RANBP2: variants seen among roughly 807,000 people sequenced by gnomAD.
The protein encoded by RANBP2 is E3 SUMO-protein ligase RanBP2.
RANBP2 carries 57 observed loss-of-function variants against 303.6 expected under a neutral mutation model. The ratio of observed to expected loss-of-function variants is 0.19; its 90% CI spans 0.15 to 0.23. The LOEUF (loss-of-function observed/expected upper bound fraction) is 0.23. RANBP2 is among the 10% of genes least tolerant of loss of function. RANBP2 has a pLI of 1.00. For synonymous variants in RANBP2, 1,167 were observed against 1,301.5 expected, an observed-to-expected ratio of 0.90 and a Z score of 2.23; for missense variants, 3,138 against 3,780.8, an observed-to-expected ratio of 0.83 and a Z score of 4.46.
At chr2:109,431,205 T>C in the RANBP2 span, among the ~76,000 whole-genome samples, 4 of 152,192 alleles carry the variant, frequency 2.6e-5, no homozygotes, top group African/African-American at 9.7e-5. Flanking sequence ...TCCCCAGAGA[T>C]GCACTGTGTG....
the RANBP2 span, chr2:108,856,813 A>T: frequency 1.2e-6 from 2 of 1,613,330 alleles, no homozygotes; most frequent in South Asian, 2.2e-5. Context: ...TGGCTCAGGC[A>T]TTTGATTCTC....
At chr2:108,881,376 T>C in the RANBP2 span, among the ~76,000 whole-genome samples, 5 of 152,376 alleles carry the variant, frequency 3.3e-5, no homozygotes, top group South Asian at 8.3e-4. Flanking sequence ...GATTAGGCTT[T>C]GGCTTAAAGG....
chr2:109,629,338 TATATATATATATATA>T, the RANBP2 span, among the ~76,000 whole-genome samples: 120 of 10,674 alleles, frequency 0.011, no homozygotes, highest in African/African-American at 0.02. Context: ...TATATATATA[TATATATATATATATA>T]TATTTTTTTT....
In RANBP2 at chr2:108,763,517, C is replaced by T; in HGVS notation, c.2978C>T (p.Ser993Phe). 6.2e-7 allele frequency: 1 copy of T among 1,614,124 alleles called. No individual in the cohort carries two copies. The highest frequency in any genetic ancestry group is 8.5e-7 in the Non-Finnish European group (1 of 1,179,992). ...CCGATTGCAGCTCATGCTTCAAGATCTGCAGAATCTAAGACTATAGAATTT... is the reference window on the plus strand; with the variant it reads ...CCGATTGCAGCTCATGCTTCAAGATTTGCAGAATCTAAGACTATAGAATTT... ...KPPIAAHASRSAESKTIEFGK... is the reference protein window; with the variant it reads ...KPPIAAHASRFAESKTIEFGK... Residue 993 changes from serine (S) to phenylalanine (F), a missense_variant, in exon 20 of 29, where the codon TCT (serine) becomes TTT (phenylalanine). Around this residue, in one of 20 missense-constraint regions of RANBP2, gnomAD observed 403 missense variants for 376.7 expected, o/e 1.07. Coordinates refer to ENST00000283195, the MANE Select transcript of RANBP2 (RefSeq NM_006267.5).
the RANBP2 span, chr2:108,930,257 G>T: frequency 2.5e-6 from 4 of 1,614,058 alleles, no homozygotes; most frequent in South Asian, 4.4e-5. Context: ...CAACAAAGGG[G>T]GGTGTTGTGG....
the RANBP2 span, among the ~76,000 whole-genome samples, chr2:108,875,763 A>G: frequency 1.3e-5 from 2 of 152,086 alleles, no homozygotes; most frequent in Admixed American, 6.6e-5. Context: ...GGAGGCTGAG[A>G]TGGGAGGATT....
the RANBP2 span, among the ~76,000 whole-genome samples, chr2:108,811,247 CTTT>C: frequency 8.8e-6 from 1 of 113,938 alleles, no homozygotes. Context: ...TTCTCTCTCT[CTTT>C]TTTTTTTTTT....
At chr2:109,215,112 A>G in the RANBP2 span, among the ~76,000 whole-genome samples, 2 of 152,336 alleles carry the variant, frequency 1.3e-5, no homozygotes, top group South Asian at 2.1e-4. Flanking sequence ...CTCCATACAC[A>G]TCACAATTGA....
chr2:109,593,163 C>A, the RANBP2 span: 1 of 1,283,112 alleles, frequency 7.8e-7, no homozygotes, highest in Non-Finnish European at 1.1e-6. Context: ...AGAAACATTA[C>A]TCCCCAAACC....
At chr2:108,994,367 T>C in the RANBP2 span, among the ~76,000 whole-genome samples, 1 of 152,200 alleles carries the variant, frequency 6.6e-6, no homozygotes, top group Admixed American at 6.5e-5. Context: ...CTCCATTATG[T>C]AAGCAGTGAA....
the RANBP2 span, among the ~76,000 whole-genome samples, chr2:108,793,381 T>A: frequency 6.6e-6 from 1 of 151,966 alleles, no homozygotes; most frequent in Non-Finnish European, 1.5e-5. Context: ...GAGAGCATTT[T>A]ATACTCTAAT....
chr2:109,238,484 TGTGTGTGTGTGTGTGAGA>T, the RANBP2 span, among the ~76,000 whole-genome samples: 19 of 145,006 alleles, frequency 1.3e-4, no homozygotes, highest in East Asian at 2.6e-3. Flanking sequence ...TGTGTGTGTG[TGTGTGTGTGTGTGTGAGA>T]GTGAGACAGA....
At chr2:108,955,445 A>G in the RANBP2 span, among the ~76,000 whole-genome samples, 4 of 152,210 alleles carry the variant, frequency 2.6e-5, no homozygotes, top group Non-Finnish European at 5.9e-5. Flanking sequence ...AGAGACATAT[A>G]TATCTTCTAA....
At chr2:109,249,980 G>A in the RANBP2 span, among the ~76,000 whole-genome samples, 8 of 151,502 alleles carry the variant, frequency 5.3e-5, no homozygotes, top group Non-Finnish European at 8.8e-5. Flanking sequence ...CACCGCGCCC[G>A]GCCTGCACCA....
the RANBP2 span, among the ~76,000 whole-genome samples, chr2:109,091,596 G>A: frequency 6.6e-6 from 1 of 152,308 alleles, no homozygotes; most frequent in East Asian, 1.9e-4. Flanking sequence ...CCATTGGGCA[G>A]TTAACAAATT....
chr2:109,095,676 G>C, the RANBP2 span, among the ~76,000 whole-genome samples: 1 of 152,028 alleles, frequency 6.6e-6, no homozygotes, highest in South Asian at 2.1e-4. Flanking sequence ...CAAACAACAG[G>C]GGTTTCTTAG....
chr2:108,786,873 T>A, downstream of RANBP2: 1 of 1,575,352 alleles, frequency 6.3e-7, no homozygotes. Context: ...TAGTGGAGAG[T>A]CTCAAAAGCC....
the RANBP2 span, among the ~76,000 whole-genome samples, chr2:108,954,289 A>G: frequency 4.6e-5 from 7 of 152,194 alleles, no homozygotes; most frequent in African/African-American, 1.7e-4. Context: ...GCTATACATC[A>G]AGACCTATAC....
At chr2:108,821,468 T>G in the RANBP2 span, among the ~76,000 whole-genome samples, 11 of 152,188 alleles carry the variant, frequency 7.2e-5, no homozygotes, top group Non-Finnish European at 1.6e-4. Flanking sequence ...GTTATAACTT[T>G]AAGATGTTTT....
Sources: gnomAD v4.1 joint callset for allele counts (sites outside exome capture counted in the v4.1 genomes callset) on GRCh38, gnomAD v4.1.1 for gene constraint, gnomAD v4.1.1 regional missense constraint, MANE v1.5 for transcripts, NCBI Gene and HGNC (gene_info 2026-07-23, HGNC 2026-07-21) for gene names.